NIFK: variants seen among roughly 807,000 people sequenced by gnomAD.
NIFK encodes the protein nucleolar protein interacting with the FHA domain of MKI67.
NIFK carries 16 observed loss-of-function variants against 31.7 expected under a neutral mutation model. That is an observed-to-expected ratio of 0.50 (90% CI 0.34 to 0.77). NIFK has a LOEUF of 0.77. NIFK is among the 30% of genes least tolerant of loss of function. NIFK has a pLI of 0.01. For synonymous variants in NIFK, 126 were observed against 123.0 expected (o/e 1.02, Z -0.16); for missense variants, 341 against 350.4 (o/e 0.97, Z 0.21).
chr2:121,727,651 GTACCTAGTGA>G lies in NIFK; in HGVS notation c.*63_*72del, dbSNP rs1405320998. 3.6e-6 allele frequency: 4 copies of G among 1,109,412 alleles called. No individual in the cohort carries two copies. The Admixed American group carries it at 6.4e-5, about 18-fold the overall frequency. 68.7% of individuals were successfully genotyped at this position (1,109,412 alleles called of 1,614,324 possible). A position where few individuals can be genotyped will look rare whatever the true frequency, so the allele number is the denominator to read the frequency against. The stretch of plus-strand genomic sequence containing the variant: ...ATCTTGTCAAAGGTTGTATTCCATT[GTACCTAGTGA>G]AATACAAAGTCCACTCTCATAAAAA... On this transcript the variant is annotated 3_prime_UTR_variant, in exon 7 of 7. Transcript: ENST00000285814.
intron 2 of NIFK, among the ~76,000 whole-genome samples, chr2:121,733,614 C>T (rs1316127296): frequency 6.6e-6 from 1 of 151,238 alleles, no homozygotes; most frequent in Non-Finnish European, 1.5e-5. Context: ...GGGAGGCGGA[C>T]ATCGCAGTCA....
At chr2:121,730,208 ACT>A (rs1559905010) in intron 4 of NIFK, among the ~76,000 whole-genome samples, 1 of 151,808 alleles carries the variant, frequency 6.6e-6, no homozygotes, top group Non-Finnish European at 1.5e-5. Context: ...ACACAGCAAG[ACT>A]CTGTCTCAAA....
At chr2:121,733,705 CA>C (rs376387491) in intron 2 of NIFK, among the ~76,000 whole-genome samples, 4,115 of 145,696 alleles carry the variant, frequency 0.028, 190 homozygotes, top group African/African-American at 0.098. Flanking sequence ...CAAAACAAAA[CA>C]AAAAAAAAAT....
intron 4 of NIFK, among the ~76,000 whole-genome samples, chr2:121,730,025 C>G (rs1267527065): frequency 2.0e-5 from 3 of 152,066 alleles, no homozygotes; most frequent in Non-Finnish European, 4.4e-5. Flanking sequence ...CCAGACTGAC[C>G]AACATGGTGA....
chr2:121,735,803 G>C (rs2074575109), intron 1 of NIFK, 53 bp from the exon 2 acceptor site: 3 of 1,486,936 alleles, frequency 2.0e-6, no homozygotes, highest in African/African-American at 2.8e-5. Context: ...AAATCACATT[G>C]TAACAAAACC....
At chr2:121,733,060 C>A (rs902999798) in intron 2 of NIFK, among the ~76,000 whole-genome samples, 1 of 151,658 alleles carries the variant, frequency 6.6e-6, no homozygotes, top group South Asian at 2.1e-4. Flanking sequence ...CCAGCCTGGG[C>A]AACAGAATAA....
Position 121,730,979 on chromosome 2 carries a change from G to C in NIFK, c.478C>G (p.Arg160Gly). The stretch of plus-strand genomic sequence containing the variant: ...TTCTTTTTAAATCGCTCCTCCATCC[G>C]TAGCTTTTGTGTTAGTGTCCGATTC... ...NRNRTLTQKL[R>G]MEERFKKKER... The change falls in exon 4 of 7, where the codon CGG becomes GGG. Residue 160 changes from arginine (R) to glycine (G), a missense_variant. Transcript: ENST00000285814. The C allele has an allele frequency of 6.2e-7, 1 of 1,612,796 alleles. No homozygotes were observed. Among genetic ancestry groups the C allele is most frequent in the Non-Finnish European group, 8.5e-7 (1 of 1,179,240 alleles).
intron 4 of NIFK, 51 bp downstream of exon 4, chr2:121,730,842 C>T: frequency 1.6e-6 from 2 of 1,270,792 alleles, no homozygotes; most frequent in Non-Finnish European, 2.3e-6. Flanking sequence ...TACAAAGCTG[C>T]CCCCTCCCCT....
chr2:121,728,312 A>T lies in NIFK; in HGVS notation c.669T>A (p.Thr223=), dbSNP rs1193273158. 3 of 1,606,848 alleles carry T rather than the reference A, an allele frequency of 1.9e-6. No individual in the cohort carries two copies. In the Admixed American group the frequency reaches 5.0e-5, roughly 27 times the overall value. Reference sequence around the variant, plus strand: ...CCTGGCTATCCACAGTCTTCTCAGGAGTGTCAAGAGTACCTGAAACTTTTT... The same window carrying T: ...CCTGGCTATCCACAGTCTTCTCAGGTGTGTCAAGAGTACCTGAAACTTTTT... ...KKKKVSGTLD[T]PEKTVDSQGP... Residue 223 remains threonine, a synonymous_variant, in exon 6 of 7, where the codon ACT becomes ACA. Transcript: ENST00000285814.
rs776277705 is a variant in NIFK, at chr2:121,736,844, T to G, written c.7A>C (p.Thr3Pro). MA[T>P]FSGPAGPILS... is the part of the protein sequence containing the mutation. ...ATTGGCCCAGCCGGGCCAGAAAAAG[T>G]CGCCATGCCAAAAGCCGCCGACGCT... is the stretch of plus-strand genomic sequence containing the variant. Residue 3 changes from threonine to proline, a missense_variant, in exon 1 of 7, where the codon ACT becomes CCT. Coordinates refer to ENST00000285814, the MANE Select transcript of NIFK (RefSeq NM_032390.5). The G allele has an allele frequency of 1.2e-6, 2 of 1,613,854 alleles. No homozygotes were observed. The highest frequency in any genetic ancestry group is 1.1e-5 in the South Asian group (1 of 91,078).
Position 121,728,272 on chromosome 2 carries a change from T to C in NIFK, c.693+16A>G, listed in dbSNP as rs2074507894. On this transcript the variant is annotated intron_variant, in intron 6 of 6. Transcript: ENST00000285814. Reference sequence around the variant, plus strand: ...TCTATAATATCTGGTGTCTGGAGTATTGAAAACCATTTTACCTGGCTATCC... The same window carrying C: ...TCTATAATATCTGGTGTCTGGAGTACTGAAAACCATTTTACCTGGCTATCC... The C allele has an allele frequency of 1.3e-6, 2 of 1,540,588 alleles. No homozygotes were observed. Among genetic ancestry groups the C allele is most frequent in the Admixed American group, 1.8e-5 (1 of 55,108 alleles).
rs1395895669 is a variant in NIFK at position 121,732,117 on chromosome 2, A to C, written c.331T>G (p.Phe111Val). Residue 111 changes from phenylalanine to valine, a missense_variant, in exon 3 of 7, where the codon TTT becomes GTT. Physicochemically the swap from Phe to Val is conservative, Grantham distance 50 (BLOSUM62 -1). Coordinates refer to ENST00000285814, the MANE Select transcript of NIFK (RefSeq NM_032390.5). ...TTACACTCCAAGAGTCTTTCACCAA[A>C]CAGGTAGTTGTTCATTGTTTCAGCA... ...IVAETMNNYL[F>V]GERLLECHFM... The C allele has an allele frequency of 6.2e-7, 1 of 1,608,806 alleles. No individual in the cohort carries two copies. The highest frequency in any genetic ancestry group is 8.5e-7 in the Non-Finnish European group (1 of 1,175,400).
chr2:121,731,306 C>T (rs953932508), intron 3 of NIFK: 13 of 532,240 alleles, frequency 2.4e-5, no homozygotes, highest in South Asian at 5.1e-5. Context: ...GTACCTAAGA[C>T]GGCCACATGC....
At chr2:121,731,361 G>C (rs993108342) in intron 3 of NIFK, among the ~76,000 whole-genome samples, 1 of 152,118 alleles carries the variant, frequency 6.6e-6, no homozygotes, top group Non-Finnish European at 1.5e-5. Flanking sequence ...TGCCTCCCAA[G>C]GGCAGCAGGA....
Position 121,730,720 on chromosome 2 carries a change from T to C in NIFK, c.564+173A>G, listed in dbSNP as rs545689969. On this transcript the variant is annotated intron_variant, in intron 4 of 6. Coordinates refer to ENST00000285814, the MANE Select transcript of NIFK (RefSeq NM_032390.5). ...TTAGCCAGACGTGGTGGTGTGCACC[T>C]GTAATCCCAACTACTTGGGAGGCTA... is the stretch of plus-strand genomic sequence containing the variant. 206 of 602,860 alleles carry C rather than the reference T, an allele frequency of 3.4e-4. 2 individuals are homozygous for C. In the South Asian group the frequency reaches 3.6e-3, roughly 11 times the overall value. The allele number at this position is 602,860 out of a possible 1,614,324, so 37.3% of individuals were successfully genotyped here. A position where few individuals can be genotyped will look rare whatever the true frequency, so the allele number is the denominator to read the frequency against.
In NIFK at chr2:121,727,813, G is replaced by C. The variant is rs540898996; in HGVS notation, c.793C>G (p.Gln265Glu). 1 of 1,612,196 alleles carries C rather than the reference G, an allele frequency of 6.2e-7. No individual in the cohort carries two copies. The highest frequency in any genetic ancestry group is 1.3e-5 in the African/African-American group (1 of 74,982). The change falls in exon 7 of 7, where the codon CAG becomes GAG. Residue 265 changes from glutamine (Q) to glutamate (E), a missense_variant. By Grantham distance (29) the Gln-to-Glu change is conservative (BLOSUM62 2). Transcript: ENST00000285814. ...TCTTCTTTTACACAGGATATGGGCT[G>C]TTTGAAAACTATTTCATCATCTTTA... ...DDKDDEIVFKQPISCVKEEIQ... is the reference protein window; with the variant it reads ...DDKDDEIVFKEPISCVKEEIQ...
At chr2:121,733,206 G>GTT (rs1441480086) in intron 2 of NIFK, among the ~76,000 whole-genome samples, 1 of 151,640 alleles carries the variant, frequency 6.6e-6, no homozygotes, top group Non-Finnish European at 1.5e-5. Context: ...TGGTGAAACC[G>GTT]TGTCTCTACT....
intron 5 of NIFK, 35 bp downstream of exon 5, chr2:121,728,442 A>G (rs2074510112): frequency 1.2e-5 from 18 of 1,510,754 alleles, no homozygotes; most frequent in Non-Finnish European, 1.5e-5. Flanking sequence ...TCCTTCTCTA[A>G]TATCTTGCAT....
intron 1 of NIFK, 76 bp from the exon 2 acceptor site, chr2:121,735,826 C>T (rs1401147827): frequency 5.6e-6 from 7 of 1,243,810 alleles, no homozygotes; most frequent in Non-Finnish European, 7.8e-6. Flanking sequence ...TAGCCCTCGG[C>T]CCAAGAACCT....
Sources: allele counts gnomAD v4.1 joint callset (sites outside exome capture counted in the v4.1 genomes callset), GRCh38; gene constraint gnomAD v4.1.1; transcripts MANE v1.5; gene names NCBI Gene and HGNC (gene_info 2026-07-23, HGNC 2026-07-21).